MACROD2: variants seen among roughly 807,000 people sequenced by gnomAD.
The protein encoded by MACROD2 is mono-ADP ribosylhydrolase 2.
In MACROD2, 36 loss-of-function variants were observed where a neutral mutation model predicts 70.4. The ratio of observed to expected loss-of-function variants is 0.51; its 90% CI spans 0.39 to 0.68. The LOEUF is 0.68. Among genes scored for constraint, MACROD2 ranks in the 30% least tolerant of loss-of-function variants. The pLI is 0.00. For synonymous variants in MACROD2, 172 were observed against 178.8 expected (o/e 0.96, Z 0.30); for missense variants, 496 against 538.4 (o/e 0.92, Z 0.78).
chr20:15,729,592 G>T (rs1014706346), intron 8 of MACROD2, among the ~76,000 whole-genome samples: 1 of 152,034 alleles, frequency 6.6e-6, no homozygotes, highest in African/African-American at 2.4e-5. Flanking sequence ...TATATATTTA[G>T]GATATTAGGT....
At chr20:15,390,676 GT>G (rs1379486213) in intron 6 of MACROD2, among the ~76,000 whole-genome samples, 1 of 151,920 alleles carries the variant, frequency 6.6e-6, no homozygotes, top group African/African-American at 2.4e-5. Flanking sequence ...GAAAATAAAA[GT>G]TCCAACTTTT....
At chr20:14,973,482 C>G (rs1276793111) in intron 5 of MACROD2, among the ~76,000 whole-genome samples, 1 of 152,092 alleles carries the variant, frequency 6.6e-6, no homozygotes, top group Non-Finnish European at 1.5e-5. Context: ...CTCAGCCTCC[C>G]AAAGTGGTGG....
intron 3 of MACROD2, among the ~76,000 whole-genome samples, chr20:14,425,744 C>T (rs2083925586): frequency 6.6e-6 from 1 of 152,112 alleles, no homozygotes; most frequent in South Asian, 2.1e-4. Context: ...CTCACCGTTA[C>T]CCTGGGGACT....
chr20:14,374,449 A>G (rs903708969), intron 3 of MACROD2, among the ~76,000 whole-genome samples: 2 of 152,160 alleles, frequency 1.3e-5, no homozygotes, highest in South Asian at 4.1e-4. Context: ...CAGAGGTCAA[A>G]TAGATTAATG....
intron 3 of MACROD2, among the ~76,000 whole-genome samples, chr20:14,294,326 A>G (rs185308066): frequency 3.3e-5 from 5 of 150,980 alleles, no homozygotes; most frequent in Non-Finnish European, 5.9e-5. Context: ...TACTAGATGA[A>G]TAGTTTGTAG....
chr20:14,487,950 T>A (rs544359910), intron 3 of MACROD2, among the ~76,000 whole-genome samples: 1 of 152,332 alleles, frequency 6.6e-6, no homozygotes, highest in African/African-American at 2.4e-5. Flanking sequence ...TATAATATTA[T>A]AAGAAATATG....
At chr20:15,073,059 T>C (rs2075630928) in intron 5 of MACROD2, among the ~76,000 whole-genome samples, 1 of 152,144 alleles carries the variant, frequency 6.6e-6, no homozygotes, top group Non-Finnish European at 1.5e-5. Context: ...CAAGAAGGCC[T>C]CTACCAGAAG....
In MACROD2 at chr20:15,491,430, C is replaced by T. The variant is rs143610218; in HGVS notation, c.572-8344C>T. Reference sequence around the variant, plus strand: ...TTGACAGCTGTCATGGTTTGACTACCCCCAAAAAGCAGATTTAAAGGCAGG... The same window carrying T: ...TTGACAGCTGTCATGGTTTGACTACTCCCAAAAAGCAGATTTAAAGGCAGG... On this transcript the variant is annotated intron_variant, in intron 7 of 17. Coordinates refer to ENST00000684519, the MANE Select transcript of MACROD2 (RefSeq NM_001351661.2). 6.8e-4 allele frequency among the ~76,000 whole-genome samples: 103 copies of T among 152,272 alleles called. 1 individual carries two copies. In the East Asian group the frequency reaches 0.013, roughly 19 times the overall value.
intron 3 of MACROD2, among the ~76,000 whole-genome samples, chr20:14,346,019 G>A (rs545372630): frequency 5.5e-5 from 8 of 145,928 alleles, no homozygotes; most frequent in African/African-American, 1.3e-4. Context: ...GCGTGAACCT[G>A]GGAGGCAGAG....
intron 4 of MACROD2, among the ~76,000 whole-genome samples, chr20:14,625,254 G>A (rs1984075201): frequency 6.6e-6 from 1 of 152,084 alleles, no homozygotes; most frequent in Admixed American, 6.6e-5. Flanking sequence ...TTGAACCCAG[G>A]AGGTAGAGGT....
At chr20:15,089,260 C>T (rs911917501) in intron 5 of MACROD2, among the ~76,000 whole-genome samples, 2 of 152,122 alleles carry the variant, frequency 1.3e-5, no homozygotes, top group African/African-American at 4.8e-5. Context: ...TCTCTTATAG[C>T]TCCTATAAAC....
intron 8 of MACROD2, among the ~76,000 whole-genome samples, chr20:15,668,795 G>A (rs1454449592): frequency 6.6e-6 from 1 of 152,180 alleles, no homozygotes; most frequent in African/African-American, 2.4e-5. Flanking sequence ...CCTGAAGCTT[G>A]TATTATCCAT....
At chr20:14,109,111 G>T (rs1464167523) in intron 3 of MACROD2, among the ~76,000 whole-genome samples, 1 of 151,892 alleles carries the variant, frequency 6.6e-6, no homozygotes, top group Non-Finnish European at 1.5e-5. Context: ...ACAACAAGAA[G>T]AATTTTGGAA....
chr20:15,862,742 T>C lies in MACROD2; in HGVS notation c.646-3T>C, dbSNP rs372482432. The C allele has an allele frequency of 1.7e-5, 27 of 1,610,212 alleles. No homozygotes were observed. The African/African-American group carries it at 3.6e-4, about 22-fold the overall frequency. On this transcript the variant is annotated splice_region_variant and splice_polypyrimidine_tract_variant and intron_variant, in intron 8 of 17. Transcript: ENST00000684519. ...CTTTGAGTGTTTTATCTTTTGCCTC[T>C]AGGTGGATCGGATCATTTTCTGTGT...
intron 10 of MACROD2, among the ~76,000 whole-genome samples, chr20:15,925,500 G>A (rs955926637): frequency 6.6e-6 from 1 of 152,172 alleles, no homozygotes; most frequent in Non-Finnish European, 1.5e-5. Context: ...GCTATGTGTG[G>A]TATTGAAAAT....
intron 5 of MACROD2, among the ~76,000 whole-genome samples, chr20:14,913,379 TTAATTTTTTCTTAACCTATGAAAAAAG>T (rs2122604159): frequency 6.6e-6 from 1 of 152,292 alleles, no homozygotes; most frequent in Admixed American, 6.5e-5. Flanking sequence ...ATGTATTATT[TTAATTTTTTCTTAACCTATGAAAAAAG>T]CTGGGTGCCA....
At chr20:15,687,361 G>A (rs1191637826) in intron 8 of MACROD2, among the ~76,000 whole-genome samples, 1 of 151,828 alleles carries the variant, frequency 6.6e-6, no homozygotes, top group Non-Finnish European at 1.5e-5. Flanking sequence ...AATGATAGCA[G>A]CTGCTGCTGC....
intron 9 of MACROD2, among the ~76,000 whole-genome samples, chr20:15,881,450 G>A (rs1055999713): frequency 3.9e-5 from 6 of 152,078 alleles, no homozygotes; most frequent in Non-Finnish European, 8.8e-5. Context: ...CTCTGGATAC[G>A]GGCCACAGGA....
intron 6 of MACROD2, among the ~76,000 whole-genome samples, chr20:15,405,275 A>G (rs2045984555): frequency 6.6e-6 from 1 of 152,194 alleles, no homozygotes; most frequent in Non-Finnish European, 1.5e-5. Context: ...TACACTTTAA[A>G]ATGATTAATA....
Sources: allele counts gnomAD v4.1 joint callset (sites outside exome capture counted in the v4.1 genomes callset), GRCh38; gene constraint gnomAD v4.1.1; transcripts MANE v1.5; gene names NCBI Gene and HGNC (gene_info 2026-07-23, HGNC 2026-07-21).